Variants in QKI observed in about 807,000 individuals in gnomAD.
QKI encodes the protein QKI, KH domain containing RNA binding, also known as KH domain-containing RNA-binding protein QKI.
QKI carries 10 observed loss-of-function variants against 39.0 expected under a neutral mutation model. The ratio of observed to expected loss-of-function variants is 0.26; its 90% confidence interval spans 0.16 to 0.43. QKI has a LOEUF of 0.43. Ranked by LOEUF, QKI falls within the 20% of genes least tolerant of loss-of-function variation. QKI has a pLI of 1.00. For synonymous variants in QKI, 204 were observed against 155.4 expected (o/e 1.31, Z -2.33); for missense variants, 218 against 428.0 (o/e 0.51, Z 4.33).
At chr6:163,479,222 G>C (rs983610948) in intron 3 of QKI, among the ~76,000 whole-genome samples, 3 of 152,054 alleles carry the variant, frequency 2.0e-5, no homozygotes, top group African/African-American at 7.2e-5. Context: ...CCGGGAGGCA[G>C]AGATTTCAGA....
At chr6:163,497,571 A>AT (rs1315275596) in intron 3 of QKI, among the ~76,000 whole-genome samples, 38 of 151,622 alleles carry the variant, frequency 2.5e-4, no homozygotes, top group Non-Finnish European at 5.2e-4. Flanking sequence ...AATTAGTTCT[A>AT]TTTTATCTAG....
chr6:163,432,518 A>G (rs985046023), intron 1 of QKI, among the ~76,000 whole-genome samples: 1 of 151,568 alleles, frequency 6.6e-6, no homozygotes, highest in African/African-American at 2.4e-5. Context: ...CTCAGCCTCC[A>G]GAGAGGTAGG....
intron 2 of QKI, among the ~76,000 whole-genome samples, chr6:163,457,199 CAAGACCTTGAT>C (rs1790986027): frequency 6.6e-6 from 1 of 152,094 alleles, no homozygotes; most frequent in Admixed American, 6.5e-5. Flanking sequence ...TGTAAGACCA[CAAGACCTTGAT>C]AGAGAATATA....
At chr6:163,512,223 G>T (rs901774428) in intron 3 of QKI, among the ~76,000 whole-genome samples, 1 of 151,924 alleles carries the variant, frequency 6.6e-6, no homozygotes, top group African/African-American at 2.4e-5. Flanking sequence ...AAAAGACATA[G>T]TAATATACTC....
At chr6:163,505,865 CA>C (rs1779061296) in intron 3 of QKI, among the ~76,000 whole-genome samples, 2 of 152,092 alleles carry the variant, frequency 1.3e-5, no homozygotes, top group African/African-American at 2.4e-5. Context: ...TTGGAGGGGT[CA>C]GGGGCGGAAT....
intron 3 of QKI, among the ~76,000 whole-genome samples, chr6:163,500,671 G>T (rs1246396719): frequency 2.0e-5 from 3 of 152,026 alleles, no homozygotes; most frequent in Non-Finnish European, 2.9e-5. Flanking sequence ...ATCAAATAAT[G>T]CATACACTTA....
Position 163,559,746 on chromosome 6 carries a change from T to C in QKI, c.547-2236T>C, listed in dbSNP as rs1057285505. Reference sequence around the variant, plus strand: ...GAACAGTTCTGTTTACTATATATTATAGTATACCATTCACCATTGTAATGC... The same window carrying C: ...GAACAGTTCTGTTTACTATATATTACAGTATACCATTCACCATTGTAATGC... On this transcript the variant is annotated intron_variant, in intron 4 of 7. Coordinates refer to ENST00000361752, the MANE Select transcript of QKI (RefSeq NM_006775.3). Among the ~76,000 whole-genome samples the C allele has an allele frequency of 5.3e-5, 8 of 152,226 alleles. No homozygotes were observed. In the South Asian group the frequency reaches 6.2e-4, roughly 12 times the overall value.
At chr6:163,447,887 A>G (rs1447854774) in intron 1 of QKI, among the ~76,000 whole-genome samples, 1 of 152,146 alleles carries the variant, frequency 6.6e-6, no homozygotes, top group African/African-American at 2.4e-5. Context: ...TTGTAAGAAA[A>G]ATTTATATAA....
intron 4 of QKI, among the ~76,000 whole-genome samples, chr6:163,559,531 G>T (rs528426939): frequency 9.1e-4 from 139 of 152,164 alleles, no homozygotes; most frequent in Non-Finnish European, 1.6e-3. Context: ...GTCTTTCTAA[G>T]ATCATACTTA....
chr6:163,482,167 A>T (rs2128226307), intron 3 of QKI, among the ~76,000 whole-genome samples: 1 of 152,274 alleles, frequency 6.6e-6, no homozygotes, highest in South Asian at 2.1e-4. Context: ...CTTGGGTGAC[A>T]GAACGAGACT....
Position 163,538,726 on chromosome 6 carries a change from A to T in QKI, c.546+3601A>T, listed in dbSNP as rs138561822. 3.9e-3 allele frequency among the ~76,000 whole-genome samples: 600 copies of T among 152,324 alleles called. 4 individuals carry two copies. Among genetic ancestry groups the T allele is most frequent in the African/African-American group, 0.014 (572 of 41,570 alleles). On this transcript the variant is annotated intron_variant, in intron 4 of 7. Transcript: ENST00000361752. ...GAGATTCCAATAAGGAAGTCTTTGC[A>T]GTTCAAGTTAGAGATTAAAGTGATT...
intron 3 of QKI, among the ~76,000 whole-genome samples, chr6:163,479,350 A>T (rs1484068963): frequency 6.6e-6 from 1 of 152,070 alleles, no homozygotes; most frequent in Non-Finnish European, 1.5e-5. Flanking sequence ...TGTTGTCATG[A>T]TTTTCCCTTG....
intron 3 of QKI, among the ~76,000 whole-genome samples, chr6:163,491,465 C>T (rs1778049067): frequency 6.6e-6 from 1 of 152,012 alleles, no homozygotes; most frequent in Admixed American, 6.6e-5. Flanking sequence ...TTCTCACTCC[C>T]TCATTTTTTT....
chr6:163,463,131 T>C (rs1435581006), intron 2 of QKI, among the ~76,000 whole-genome samples: 3 of 152,172 alleles, frequency 2.0e-5, no homozygotes, highest in Non-Finnish European at 4.4e-5. Context: ...GAATAGAGTT[T>C]CTATAAACTG....
At chr6:163,424,941 GCTTT>G (rs1473684611) in intron 1 of QKI, among the ~76,000 whole-genome samples, 2 of 152,098 alleles carry the variant, frequency 1.3e-5, no homozygotes, top group African/African-American at 2.4e-5. Flanking sequence ...TGCGTCATCT[GCTTT>G]CTATCAACAT....
rs1777603954 is a variant in QKI, at chr6:163,576,950, CA to C, written c.*6241del. The C allele has an allele frequency of 1.3e-5, 2 of 152,140 alleles. No homozygotes were observed. Among genetic ancestry groups the C allele is most frequent in the African/African-American group, 4.8e-5 (2 of 41,434 alleles). The allele number at this position is 152,140 out of a possible 1,614,324, so 9.4% of individuals were successfully genotyped here. Reference sequence around the variant, plus strand: ...CCATAGTTGGACTGTGCATCCAAAACATTTTTTTATCTTTAATAAATGGTAC... The same window carrying C: ...CCATAGTTGGACTGTGCATCCAAAACTTTTTTTATCTTTAATAAATGGTAC... On this transcript the variant is annotated 3_prime_UTR_variant, in exon 8 of 8. Transcript: ENST00000361752.
intron 1 of QKI, among the ~76,000 whole-genome samples, chr6:163,418,787 A>C (rs749529411): frequency 2.0e-4 from 31 of 152,196 alleles, no homozygotes; most frequent in Non-Finnish European, 1.0e-4. Flanking sequence ...ATGAAACAAC[A>C]GTAGTTGAAT....
intron 1 of QKI, among the ~76,000 whole-genome samples, chr6:163,419,639 G>T (rs146673504): frequency 6.6e-6 from 1 of 152,266 alleles, no homozygotes; most frequent in Non-Finnish European, 1.5e-5. Context: ...GAAAAGATCA[G>T]TTGTATCATT....
At chr6:163,565,851 A>C in intron 6 of QKI, 1 of 1,539,618 alleles carries the variant, frequency 6.5e-7, no homozygotes, top group South Asian at 1.2e-5. Flanking sequence ...TTCAAAACAG[A>C]TGCAGACATG....
Sources: allele counts gnomAD v4.1 joint callset (sites outside exome capture counted in the v4.1 genomes callset), GRCh38; gene constraint gnomAD v4.1.1; transcripts MANE v1.5; gene names NCBI Gene and HGNC (gene_info 2026-07-23, HGNC 2026-07-21).